AFF3: variants seen among roughly 807,000 people sequenced by gnomAD.
AFF3 encodes the protein AF4/FMR2 family member 3.
In AFF3, 32 loss-of-function variants were observed where a neutral mutation model predicts 129.7. The ratio of observed to expected loss-of-function variants is 0.25; its 90% CI spans 0.19 to 0.33. The LOEUF is 0.33. AFF3 is among the 10% of genes least tolerant of loss of function. AFF3 has a pLI of 1.00. For missense variants in AFF3, 1,373 were observed against 1,592.0 expected, an observed-to-expected ratio of 0.86 and a Z score of 2.34; for synonymous variants, 644 against 635.4, an observed-to-expected ratio of 1.01 and a Z score of -0.20.
At chr2:100,116,493 T>C (rs1408348224) in intron 2 of AFF3, among the ~76,000 whole-genome samples, 1 of 152,144 alleles carries the variant, frequency 6.6e-6, no homozygotes, top group African/African-American at 2.4e-5. Flanking sequence ...CTCTATTACC[T>C]TGGAACATAC....
At chr2:100,112,804 G>T (rs187759751) in intron 2 of AFF3, among the ~76,000 whole-genome samples, 1 of 143,196 alleles carries the variant, frequency 7.0e-6, no homozygotes, top group Admixed American at 6.7e-5. Flanking sequence ...CTACAGGCCC[G>T]AGGGCCTGCC....
At chr2:99,972,308 T>C (rs1476276025) in intron 7 of AFF3, among the ~76,000 whole-genome samples, 1 of 151,710 alleles carries the variant, frequency 6.6e-6, no homozygotes, top group Admixed American at 6.6e-5. Flanking sequence ...GCAGAAACAT[T>C]TGGACAGAAG....
intron 4 of AFF3, among the ~76,000 whole-genome samples, chr2:100,093,062 G>C (rs1332346277): frequency 1.3e-5 from 2 of 152,230 alleles, no homozygotes; most frequent in East Asian, 3.8e-4. Context: ...CTATACTGTA[G>C]ACGGATTGCG....
chr2:99,645,470 T>TA lies in AFF3; in HGVS notation c.1184+4155dup, dbSNP rs1183220963. On this transcript the variant is annotated intron_variant, in intron 13 of 24. Coordinates refer to ENST00000672756, the MANE Select transcript of AFF3 (RefSeq NM_001386135.1). Reference sequence around the variant, plus strand: ...TTGACTCTCAGTGGTATAAAATAGATAAAAAAATTCTACTGTCCAGAGTAG... The same window carrying TA: ...TTGACTCTCAGTGGTATAAAATAGATAAAAAAAATTCTACTGTCCAGAGTAG... 1.5e-4 allele frequency among the ~76,000 whole-genome samples: 23 copies of TA among 152,172 alleles called. No individual in the cohort carries two copies. The South Asian group carries it at 4.2e-3, about 27-fold the overall frequency.
intron 19 of AFF3, 26 bp downstream of exon 19, chr2:99,568,826 C>T (rs750281278): frequency 5.6e-6 from 9 of 1,609,014 alleles, no homozygotes; most frequent in Admixed American, 1.7e-5. Flanking sequence ...TTTGGAAGAA[C>T]GTATCTGGAA....
chr2:99,906,076 A>G (rs1410595754), intron 7 of AFF3, among the ~76,000 whole-genome samples: 3 of 152,214 alleles, frequency 2.0e-5, no homozygotes, highest in Non-Finnish European at 4.4e-5. Context: ...CTACTACTCC[A>G]GCCAGCTGAT....
intron 7 of AFF3, among the ~76,000 whole-genome samples, chr2:99,920,706 T>C (rs932183991): frequency 2.0e-5 from 3 of 151,744 alleles, no homozygotes; most frequent in African/African-American, 7.3e-5. Flanking sequence ...TACAATCAGA[T>C]AAGCAAGAGA....
chr2:99,997,907 C>T (rs1452833120), intron 7 of AFF3, among the ~76,000 whole-genome samples: 1 of 152,182 alleles, frequency 6.6e-6, no homozygotes, highest in Non-Finnish European at 1.5e-5. Context: ...AGTGCAGTGA[C>T]CCAGCCACCC....
intron 12 of AFF3, among the ~76,000 whole-genome samples, chr2:99,668,681 G>A (rs12474284): frequency 0.15 from 22,613 of 151,770 alleles, 2,093 homozygotes; most frequent in South Asian, 0.26. Context: ...TCCTGCCTCA[G>A]CATCCTAAGT....
intron 7 of AFF3, among the ~76,000 whole-genome samples, chr2:99,847,352 T>C (rs1235898674): frequency 2.0e-5 from 3 of 151,770 alleles, no homozygotes; most frequent in Admixed American, 1.3e-4. Flanking sequence ...ATTTTTGTAT[T>C]TTCAGGAGAA....
At chr2:100,095,959 T>C (rs1211043379) in intron 4 of AFF3, among the ~76,000 whole-genome samples, 1 of 152,112 alleles carries the variant, frequency 6.6e-6, no homozygotes, top group African/African-American at 2.4e-5. Context: ...AAACCTACTA[T>C]GGGTTCCACG....
chr2:99,676,883 C>A (rs1016449420), intron 11 of AFF3, among the ~76,000 whole-genome samples: 1 of 152,114 alleles, frequency 6.6e-6, no homozygotes, highest in Non-Finnish European at 1.5e-5. Context: ...TGGGAGCTAG[C>A]GGGTGGCCAC....
chr2:99,585,244 A>G (rs1479698920), intron 16 of AFF3, among the ~76,000 whole-genome samples: 1 of 152,238 alleles, frequency 6.6e-6, no homozygotes, highest in Non-Finnish European at 1.5e-5. Context: ...CTGTGACATT[A>G]AATATTATCA....
intron 7 of AFF3, among the ~76,000 whole-genome samples, chr2:99,855,211 G>A (rs1207533235): frequency 6.6e-6 from 1 of 152,036 alleles, no homozygotes; most frequent in Non-Finnish European, 1.5e-5. Context: ...GTTTCTTTTG[G>A]GTGTGATGGA....
intron 18 of AFF3, among the ~76,000 whole-genome samples, chr2:99,573,893 G>T (rs1676743619): frequency 6.6e-6 from 1 of 152,194 alleles, no homozygotes; most frequent in Admixed American, 6.5e-5. Context: ...GGCAGCCCTG[G>T]CACCTGGGGT....
At chr2:99,972,956 C>T (rs60147598) in intron 7 of AFF3, among the ~76,000 whole-genome samples, 1,989 of 152,288 alleles carry the variant, frequency 0.013, 54 homozygotes, top group African/African-American at 0.046. Context: ...GGCACCTCAA[C>T]ACCTATAAAT....
intron 4 of AFF3, among the ~76,000 whole-genome samples, chr2:100,064,400 C>T (rs969433047): frequency 2.0e-5 from 3 of 152,182 alleles, no homozygotes; most frequent in Non-Finnish European, 4.4e-5. Context: ...TGGATGCCTA[C>T]AGCCATGTCT....
chr2:99,670,557 TC>T (rs1687064310), intron 12 of AFF3, among the ~76,000 whole-genome samples: 1 of 149,508 alleles, frequency 6.7e-6, no homozygotes, highest in African/African-American at 2.5e-5. Flanking sequence ...GTGTGTGTGT[TC>T]GTGCACCGGC....
At chr2:99,560,317 T>C (rs746770465) in intron 21 of AFF3, 48 bp downstream of exon 21, 1 of 1,591,954 alleles carries the variant, frequency 6.3e-7, no homozygotes, top group Non-Finnish European at 8.6e-7. Flanking sequence ...TTGCCAATGA[T>C]GGCATGCGAG....
Sources: allele counts gnomAD v4.1 joint callset (sites outside exome capture counted in the v4.1 genomes callset), GRCh38; gene constraint gnomAD v4.1.1; transcripts MANE v1.5; gene names NCBI Gene and HGNC (gene_info 2026-07-23, HGNC 2026-07-21).